PRKG2: variants seen among roughly 807,000 people sequenced by gnomAD.
The protein encoded by PRKG2 is protein kinase cGMP-dependent 2, also known as cGMP-dependent protein kinase 2.
In PRKG2, 33 loss-of-function variants were observed where a neutral mutation model predicts 97.2. That is an observed-to-expected ratio of 0.34 (90% confidence interval 0.26 to 0.45). PRKG2 has a LOEUF of 0.45. PRKG2 is among the 20% of genes least tolerant of loss of function. The pLI is 1.00. For synonymous variants in PRKG2, 330 were observed against 321.8 expected, an observed-to-expected ratio of 1.03 and a Z score of -0.27; for missense variants, 638 against 900.0, an observed-to-expected ratio of 0.71 and a Z score of 3.73.
At chr4:81,141,297 C>T (rs1747261341) in intron 11 of PRKG2, among the ~76,000 whole-genome samples, 1 of 152,122 alleles carries the variant, frequency 6.6e-6, no homozygotes, top group South Asian at 2.1e-4. Flanking sequence ...AAGCATGAGC[C>T]ACCGCACCCA....
Position 81,142,798 on chromosome 4 carries a change from T to C in PRKG2, c.1403A>G (p.Glu468Gly). The C allele has an allele frequency of 6.3e-7, 1 of 1,581,148 alleles. No individual in the cohort carries two copies. ...CTTGAAACGTAAACCCCTTACAAGC[T>C]CAACTCTTCCGAACCCACCAACGCC... ...TLGVGGFGRVELVKVKNENVA... is the reference protein window; with the variant it reads ...TLGVGGFGRVGLVKVKNENVA... Residue 468 changes from glutamate (E) to glycine (G), a missense_variant, in exon 11 of 19, where the codon GAG becomes GGG. Around this residue, in one of 3 missense-constraint regions of PRKG2, gnomAD observed 304 missense variants for 460.5 expected, o/e 0.66. Coordinates refer to ENST00000264399, the MANE Select transcript of PRKG2 (RefSeq NM_006259.3).
At chr4:81,184,940 GA>G (rs1418379056) in intron 2 of PRKG2, among the ~76,000 whole-genome samples, 1 of 151,960 alleles carries the variant, frequency 6.6e-6, no homozygotes, top group Non-Finnish European at 1.5e-5. Flanking sequence ...CAAAGTAAGA[GA>G]AAAAAGAATG....
At chr4:81,212,533 A>G (rs1481189241) in intron 1 of PRKG2, among the ~76,000 whole-genome samples, 1 of 152,174 alleles carries the variant, frequency 6.6e-6, no homozygotes, top group Non-Finnish European at 1.5e-5. Context: ...AATGTCATTG[A>G]CCAAAATGAG....
At chr4:81,145,306 T>C (rs530084498) in intron 9 of PRKG2, among the ~76,000 whole-genome samples, 3 of 152,286 alleles carry the variant, frequency 2.0e-5, no homozygotes, top group East Asian at 1.9e-4. Context: ...CAGCCTTACA[T>C]GATGTGTTTA....
chr4:81,166,871 T>A (rs182799013), intron 6 of PRKG2, among the ~76,000 whole-genome samples: 1 of 152,264 alleles, frequency 6.6e-6, no homozygotes, highest in African/African-American at 2.4e-5. Flanking sequence ...AAATGCTTCT[T>A]GAGTAAGGCA....
At chr4:81,106,633 G>A (rs967772099) in intron 15 of PRKG2, among the ~76,000 whole-genome samples, 2 of 152,214 alleles carry the variant, frequency 1.3e-5, no homozygotes, top group Non-Finnish European at 1.5e-5. Flanking sequence ...AATGTTGAAA[G>A]TAGTGAGATA....
chr4:81,201,083 G>C (rs189425078), intron 2 of PRKG2, among the ~76,000 whole-genome samples: 5 of 152,266 alleles, frequency 3.3e-5, no homozygotes, highest in Admixed American at 2.0e-4. Flanking sequence ...GTCTACAAAG[G>C]GTTCCCAAAC....
Position 81,139,841 on chromosome 4 carries a change from A to T in PRKG2, c.1544+692T>A, listed in dbSNP as rs186328931. 2.1e-3 allele frequency among the ~76,000 whole-genome samples: 320 copies of T among 152,054 alleles called. 3 individuals are homozygous for T. The highest frequency in any genetic ancestry group is 7.5e-3 in the African/African-American group (312 of 41,496). On this transcript the variant is annotated intron_variant, in intron 12 of 18. Transcript: ENST00000264399. ...GAAAACATCTGACCCCAGATCTCAA[A>T]CTTCTAACATTTTTAGTACTGTTGC... is the stretch of plus-strand genomic sequence containing the variant.
intron 6 of PRKG2, among the ~76,000 whole-genome samples, chr4:81,159,177 T>C (rs1749387659): frequency 6.6e-6 from 1 of 152,008 alleles, no homozygotes. Flanking sequence ...ACAGGCAACC[T>C]ACAAAATGGG....
At chr4:81,191,868 CAT>C (rs1211984038) in intron 2 of PRKG2, among the ~76,000 whole-genome samples, 2 of 152,152 alleles carry the variant, frequency 1.3e-5, no homozygotes, top group African/African-American at 4.8e-5. Flanking sequence ...ATTTAATACA[CAT>C]ATGTGTTGGT....
intron 2 of PRKG2, chr4:81,193,172 A>T (rs1487816604): frequency 6.6e-6 from 1 of 152,196 alleles, no homozygotes; most frequent in Non-Finnish European, 1.5e-5. Flanking sequence ...TGAGCATAAG[A>T]GGCAGCAACT....
intron 2 of PRKG2, among the ~76,000 whole-genome samples, chr4:81,191,752 A>G (rs1404438151): frequency 6.6e-6 from 1 of 152,158 alleles, no homozygotes; most frequent in Non-Finnish European, 1.5e-5. Context: ...ACCATTGTTA[A>G]TTATCAAGGA....
chr4:81,157,416 G>T (rs191228933), intron 6 of PRKG2, among the ~76,000 whole-genome samples: 2 of 152,102 alleles, frequency 1.3e-5, no homozygotes, highest in Admixed American at 6.6e-5. Context: ...AATAACAGGA[G>T]CTGAAATTGT....
intron 15 of PRKG2, among the ~76,000 whole-genome samples, chr4:81,109,256 G>A (rs6821258): frequency 0.25 from 38,773 of 152,166 alleles, 6,922 homozygotes; most frequent in African/African-American, 0.48. Flanking sequence ...AATTTGTAGC[G>A]TAGAAAGTTC....
intron 14 of PRKG2, among the ~76,000 whole-genome samples, chr4:81,122,097 G>A (rs995739251): frequency 6.6e-6 from 1 of 152,114 alleles, no homozygotes; most frequent in African/African-American, 2.4e-5. Context: ...AGATTTATTG[G>A]ATTATTATTT....
intron 6 of PRKG2, among the ~76,000 whole-genome samples, chr4:81,165,532 C>T (rs2110077015): frequency 6.6e-6 from 1 of 152,236 alleles, no homozygotes; most frequent in East Asian, 1.9e-4. Flanking sequence ...TGGTAAATCA[C>T]ATGCATTTCT....
chr4:81,090,369 AT>A (rs1411188847), intron 18 of PRKG2, among the ~76,000 whole-genome samples: 1 of 152,090 alleles, frequency 6.6e-6, no homozygotes, highest in East Asian at 1.9e-4. Context: ...AAAAAAAAAA[AT>A]AAGTGACAGA....
rs763941574 is a variant in PRKG2, at chr4:81,204,977, T to A, written c.71A>T (p.Asp24Val). Residue 24 changes from aspartate to valine, a missense_variant, in exon 2 of 19, where the codon GAT becomes GTT. Asp to Val is a radical substitution (Grantham distance 152). Transcript: ENST00000264399. ...CTCTGTCACCTTGTTCCGCAGAGCA[T>A]CAGTGGTGAGGTTCCCAGAGTGTCC... Reference protein sequence around the residue: ...PDGHSGNLTTDALRNKVTELE... With the variant: ...PDGHSGNLTTVALRNKVTELE... 5 of 1,614,112 alleles carry A rather than the reference T, an allele frequency of 3.1e-6. No individual in the cohort carries two copies. Among genetic ancestry groups the A allele is most frequent in the Non-Finnish European group, 4.2e-6 (5 of 1,180,008 alleles).
At chr4:81,133,766 T>C (rs1746389987) in intron 14 of PRKG2, among the ~76,000 whole-genome samples, 1 of 152,310 alleles carries the variant, frequency 6.6e-6, no homozygotes, top group South Asian at 2.1e-4. Flanking sequence ...CAGTTATTTA[T>C]TGACCTCTAT....
Sources: gnomAD v4.1 joint callset for allele counts (sites outside exome capture counted in the v4.1 genomes callset) on GRCh38, gnomAD v4.1.1 for gene constraint, gnomAD v4.1.1 regional missense constraint, MANE v1.5 for transcripts, NCBI Gene and HGNC (gene_info 2026-07-23, HGNC 2026-07-21) for gene names.